Variants in CACNA2D3 observed in about 807,000 individuals in gnomAD.
CACNA2D3 encodes the protein calcium voltage-gated channel auxiliary subunit alpha2delta 3.
A neutral mutation model predicts 160.6 loss-of-function variants in CACNA2D3; 60 were observed. That is an observed-to-expected ratio of 0.37 (90% confidence interval 0.30 to 0.46). The LOEUF (loss-of-function observed/expected upper bound fraction) is 0.46, where lower values mean the gene tolerates loss of function less well. CACNA2D3 is among the 20% of genes least tolerant of loss of function. CACNA2D3 has a pLI of 1.00. For missense variants in CACNA2D3, 1,205 were observed against 1,365.0 expected, an observed-to-expected ratio of 0.88 and a Z score of 1.85; for synonymous variants, 558 against 492.9, an observed-to-expected ratio of 1.13 and a Z score of -1.75.
intron 10 of CACNA2D3, among the ~76,000 whole-genome samples, chr3:54,641,722 A>T (rs1415554342): frequency 6.6e-6 from 1 of 152,202 alleles, no homozygotes; most frequent in Non-Finnish European, 1.5e-5. Flanking sequence ...TGCTACAAAG[A>T]GTCTGTTTTG....
chr3:55,004,925 A>C, intron 32 of CACNA2D3, 87 bp downstream of exon 32: 1 of 924,616 alleles, frequency 1.1e-6, no homozygotes, highest in Non-Finnish European at 1.7e-6. Flanking sequence ...TGGAGTAATC[A>C]AGTTTATCTT....
chr3:54,181,600 A>G (rs545467574), intron 2 of CACNA2D3, among the ~76,000 whole-genome samples: 1 of 152,364 alleles, frequency 6.6e-6, no homozygotes, highest in South Asian at 2.1e-4. Context: ...GTCAGAGTTA[A>G]TGTGACTTGC....
chr3:54,373,916 A>C (rs1698966546), intron 3 of CACNA2D3, among the ~76,000 whole-genome samples: 1 of 152,062 alleles, frequency 6.6e-6, no homozygotes, highest in South Asian at 2.1e-4. Flanking sequence ...TTTTATCCCA[A>C]ACTTCCATCC....
chr3:54,660,407 G>A (rs991005282), intron 11 of CACNA2D3, among the ~76,000 whole-genome samples: 40 of 152,178 alleles, frequency 2.6e-4, no homozygotes, highest in African/African-American at 8.7e-4. Flanking sequence ...TGATCCACCC[G>A]CCTCGGCCTC....
chr3:54,747,663 G>C (rs1055476133), intron 11 of CACNA2D3, among the ~76,000 whole-genome samples: 1 of 152,094 alleles, frequency 6.6e-6, no homozygotes, highest in Non-Finnish European at 1.5e-5. Flanking sequence ...ACCTCTGCTA[G>C]GTGACTGCAT....
chr3:54,519,106 T>TGCACACGGAAGTCATGGTGACGAACATG (rs1553708324), intron 5 of CACNA2D3, among the ~76,000 whole-genome samples: 1 of 152,212 alleles, frequency 6.6e-6, no homozygotes, highest in Non-Finnish European at 1.5e-5. Flanking sequence ...CCAACTGTCC[T>TGCACACGGAAGTCATGGTGACGAACATG]CAGTTGACAG....
chr3:54,292,999 G>A (rs1703246814), intron 2 of CACNA2D3, among the ~76,000 whole-genome samples: 1 of 152,122 alleles, frequency 6.6e-6, no homozygotes, highest in South Asian at 2.1e-4. Context: ...ACCATAAAAA[G>A]GAATGAATTT....
intron 11 of CACNA2D3, among the ~76,000 whole-genome samples, chr3:54,660,061 C>G (rs1699940014): frequency 6.6e-6 from 1 of 152,158 alleles, no homozygotes; most frequent in Admixed American, 6.5e-5. Context: ...AACTCAAAAC[C>G]TGACCGTGAG....
chr3:54,493,619 C>T (rs951509481), intron 4 of CACNA2D3, among the ~76,000 whole-genome samples: 7 of 152,174 alleles, frequency 4.6e-5, no homozygotes, highest in East Asian at 1.9e-4. Context: ...TATCTTGGCA[C>T]GTCCTAATCC....
At chr3:54,604,026 G>A (rs916753523) in intron 9 of CACNA2D3, among the ~76,000 whole-genome samples, 4 of 152,076 alleles carry the variant, frequency 2.6e-5, no homozygotes, top group African/African-American at 9.7e-5. Flanking sequence ...CTTACTTCTA[G>A]GGTCTTTTAT....
intron 3 of CACNA2D3, among the ~76,000 whole-genome samples, chr3:54,380,596 G>C (rs1202516399): frequency 6.6e-6 from 1 of 152,302 alleles, no homozygotes; most frequent in South Asian, 2.1e-4. Context: ...AAATTAGCCA[G>C]GCATGGTAGC....
chr3:54,859,645 GT>G (rs1477004302), intron 17 of CACNA2D3, among the ~76,000 whole-genome samples: 6 of 152,080 alleles, frequency 3.9e-5, no homozygotes, highest in Admixed American at 1.3e-4. Context: ...TGTTGCTGGG[GT>G]TTTTATTGGC....
At chr3:54,124,864 C>T (rs1699556654) in intron 2 of CACNA2D3, among the ~76,000 whole-genome samples, 1 of 152,176 alleles carries the variant, frequency 6.6e-6, no homozygotes, top group South Asian at 2.1e-4. Context: ...CTACGAAATG[C>T]CCTCGTGGAA....
At chr3:54,316,554 T>C (rs1703867191) in intron 2 of CACNA2D3, among the ~76,000 whole-genome samples, 1 of 152,178 alleles carries the variant, frequency 6.6e-6, no homozygotes, top group Non-Finnish European at 1.5e-5. Flanking sequence ...CCTGTGGGTA[T>C]GTGGTCTGAA....
intron 12 of CACNA2D3, among the ~76,000 whole-genome samples, chr3:54,756,325 A>G (rs1195607741): frequency 3.3e-5 from 5 of 152,198 alleles, no homozygotes; most frequent in Admixed American, 3.3e-4. Context: ...AATGCCATCA[A>G]AATGTGATAT....
Position 54,372,956 on chromosome 3 carries a change from C to G in CACNA2D3, c.322-13759C>G, listed in dbSNP as rs547498225. Among the ~76,000 whole-genome samples, 4 of 152,330 alleles carry G rather than the reference C, an allele frequency of 2.6e-5. No individual in the cohort carries two copies. The South Asian group carries it at 8.3e-4, about 32-fold the overall frequency. Reference sequence around the variant, plus strand: ...AAGTGAATTTCAGGCACATACATTTCATTCATAACCCAGGCCCTTGTTTGA... The same window carrying G: ...AAGTGAATTTCAGGCACATACATTTGATTCATAACCCAGGCCCTTGTTTGA... On this transcript the variant is annotated intron_variant, in intron 3 of 37. Transcript: ENST00000474759.
At chr3:54,585,275 A>G (rs186134415) in intron 9 of CACNA2D3, among the ~76,000 whole-genome samples, 2 of 152,334 alleles carry the variant, frequency 1.3e-5, no homozygotes, top group East Asian at 3.9e-4. Context: ...GAAGGTTTCT[A>G]TACTTCAGTG....
chr3:54,992,944 C>T (rs918421442), intron 31 of CACNA2D3, among the ~76,000 whole-genome samples: 1 of 152,154 alleles, frequency 6.6e-6, no homozygotes, highest in African/African-American at 2.4e-5. Context: ...GGCATGTCTT[C>T]ACATGGCTGA....
At chr3:54,702,983 A>G (rs750918264) in intron 11 of CACNA2D3, among the ~76,000 whole-genome samples, 5 of 152,188 alleles carry the variant, frequency 3.3e-5, no homozygotes, top group Non-Finnish European at 7.3e-5. Context: ...AGGAACAGAA[A>G]ACCAAATCCT....
Sources: gnomAD v4.1 joint callset for allele counts (sites outside exome capture counted in the v4.1 genomes callset) on GRCh38, gnomAD v4.1.1 for gene constraint, MANE v1.5 for transcripts, NCBI Gene and HGNC (gene_info 2026-07-23, HGNC 2026-07-21) for gene names.